The following HDAC1 variants were observed in gnomAD, a reference collection of about 807,000 sequenced individuals.
HDAC1 encodes the protein histone deacetylase 1, also known as protein deacetylase HDAC1.
In HDAC1, 18 loss-of-function variants were observed where a neutral mutation model predicts 65.5. The ratio of observed to expected loss-of-function variants is 0.27; its 90% CI spans 0.19 to 0.41. The LOEUF is 0.41. Among genes scored for constraint, HDAC1 ranks in the 10% least tolerant of loss-of-function variants. The pLI is 1.00. For synonymous variants in HDAC1, 211 were observed against 227.9 expected (o/e 0.93, Z 0.67); for missense variants, 373 against 625.2 (o/e 0.60, Z 4.30).
chr1:32,294,072 A>C lies in HDAC1; in HGVS notation c.49+1854A>C, dbSNP rs538486572. Among the ~76,000 whole-genome samples, 89 of 152,212 alleles carry C rather than the reference A, an allele frequency of 5.8e-4. 1 individual carries two copies. Among genetic ancestry groups the C allele is most frequent in the African/African-American group, 2.1e-3 (86 of 41,560 alleles). ...AACAGAGCGAGACTTCGTCTCAAAAAAAAAAAAAACAAAAAAATTCAGATT... is the reference window on the plus strand; with the variant it reads ...AACAGAGCGAGACTTCGTCTCAAAACAAAAAAAAACAAAAAAATTCAGATT... On this transcript the variant is annotated intron_variant, in intron 1 of 13. Coordinates refer to ENST00000373548, the MANE Select transcript of HDAC1 (RefSeq NM_004964.3).
chr1:32,312,979 A>G (rs574109273), intron 2 of HDAC1, among the ~76,000 whole-genome samples: 2 of 152,040 alleles, frequency 1.3e-5, no homozygotes, highest in African/African-American at 2.4e-5. Context: ...CCTGGCCATG[A>G]ACTTTAAAAG....
chr1:32,327,565 T>C lies in HDAC1; in HGVS notation c.524T>C (p.Ile175Thr), dbSNP rs1158681611. ...KYHQRVLYID[I>T]DIHHGDGVEE... ...CACCAGAGGGTGCTGTACATTGACA[T>C]TGATATTCACCATGGTGACGGCGTG... Residue 175 changes from isoleucine to threonine, a missense_variant, in exon 6 of 14, where the codon ATT (isoleucine) becomes ACT (threonine). Ile to Thr is a moderately conservative substitution (Grantham distance 89). Coordinates refer to ENST00000373548, the MANE Select transcript of HDAC1 (RefSeq NM_004964.3). The surrounding 1 kb of genome is among the most constrained non-coding windows in gnomAD (Gnocchi z 6.0). 2 of 1,612,872 alleles carry C rather than the reference T, an allele frequency of 1.2e-6. No individual in the cohort carries two copies.
intron 1 of HDAC1, among the ~76,000 whole-genome samples, chr1:32,295,705 A>G (rs2124394804): frequency 6.6e-6 from 1 of 152,332 alleles, no homozygotes; most frequent in East Asian, 1.9e-4. Context: ...TATGTTTCCA[A>G]CACATGAATT....
In HDAC1 at chr1:32,331,405, T is replaced by TGC; in HGVS notation, c.980-68_980-67dup. ...AGAGAAACCTACAAATGCTTTAGGGTGCTTACGTGCAAATGGTTAGGGTGC... is the reference window on the plus strand; with the variant it reads ...AGAGAAACCTACAAATGCTTTAGGGTGCGCTTACGTGCAAATGGTTAGGGTGC... On this transcript the variant is annotated intron_variant, in intron 9 of 13. Transcript: ENST00000373548. This position sits in a 1 kb window ranked among gnomAD's most constrained non-coding sequence, Gnocchi z 4.2. 1.2e-6 allele frequency: 1 copy of TGC among 862,210 alleles called. No individual in the cohort carries two copies. 53.4% of individuals were successfully genotyped at this position (862,210 alleles called of 1,614,324 possible).
At position 32,327,476 on chromosome 1, in the gene HDAC1, G is replaced by A. The variant is rs1641234436; in HGVS notation, c.495-60G>A. On this transcript the variant is annotated intron_variant, in intron 5 of 13. Transcript: ENST00000373548. This position sits in a 1 kb window ranked among gnomAD's most constrained non-coding sequence, Gnocchi z 6.0. ...CCAGCCCGGTAAGCTGGGAGCTAGCGCCCTTGGCACGTCCCATCCCCAAAG... is the reference window on the plus strand; with the variant it reads ...CCAGCCCGGTAAGCTGGGAGCTAGCACCCTTGGCACGTCCCATCCCCAAAG... 8.4e-6 allele frequency: 11 copies of A among 1,301,876 alleles called. No homozygotes were observed. The South Asian group carries it at 1.1e-4, about 13-fold the overall frequency. The allele number at this position is 1,301,876 out of a possible 1,614,324, so 80.6% of individuals were successfully genotyped here. A position where few individuals can be genotyped will look rare whatever the true frequency, so the allele number is the denominator to read the frequency against.
In HDAC1 at chr1:32,330,905, A is replaced by C. The variant is rs1280886095; in HGVS notation, c.976A>C (p.Asn326His). 6.2e-7 allele frequency: 1 copy of C among 1,614,028 alleles called. No homozygotes were observed. Among genetic ancestry groups the C allele is most frequent in the South Asian group, 1.1e-5 (1 of 91,070 alleles). Reference protein sequence around the residue: ...TAVALDTEIPNELPYNDYFEY... With the variant: ...TAVALDTEIPHELPYNDYFEY... ...TGTGGCCCTGGATACGGAGATCCCTAATGGTAATAGCTGCAGGGCCAGGTT... is the reference window on the plus strand; with the variant it reads ...TGTGGCCCTGGATACGGAGATCCCTCATGGTAATAGCTGCAGGGCCAGGTT... Residue 326 changes from asparagine (N) to histidine (H), a missense_variant, in exon 9 of 14, where the codon AAT becomes CAT. Asn to His is a moderately conservative substitution (Grantham distance 68, BLOSUM62 1). Transcript: ENST00000373548. The surrounding 1 kb of genome is among the most constrained non-coding windows in gnomAD (Gnocchi z 4.2).
At chr1:32,324,000 T>C (rs1055093614) in intron 3 of HDAC1, among the ~76,000 whole-genome samples, 10 of 151,846 alleles carry the variant, frequency 6.6e-5, no homozygotes, top group East Asian at 5.8e-4. Context: ...TTGCTTGTTA[T>C]AGATAATGGG....
At chr1:32,322,471 G>A (rs1185902938) in intron 3 of HDAC1, among the ~76,000 whole-genome samples, 3 of 152,104 alleles carry the variant, frequency 2.0e-5, no homozygotes, top group African/African-American at 7.2e-5. Flanking sequence ...GTTTCTCCAT[G>A]TTGGCCAGGC....
intron 2 of HDAC1, among the ~76,000 whole-genome samples, chr1:32,305,606 CT>C (rs796787096): frequency 0.019 from 2,604 of 134,526 alleles, 53 homozygotes; most frequent in African/African-American, 0.054. Context: ...CATTGGTTGT[CT>C]TTTTTTTTTT....
At chr1:32,295,759 T>G (rs2019923) in intron 1 of HDAC1, among the ~76,000 whole-genome samples, 6,508 of 152,002 alleles carry the variant, frequency 0.043, 454 homozygotes, top group African/African-American at 0.15. Flanking sequence ...TATGGATAGT[T>G]ATTTTATTTG....
chr1:32,322,252 C>T (rs1044363667), intron 3 of HDAC1, among the ~76,000 whole-genome samples: 1 of 151,888 alleles, frequency 6.6e-6, no homozygotes, highest in Non-Finnish European at 1.5e-5. Flanking sequence ...CTTCCTGTAG[C>T]TCATTGATGT....
At chr1:32,328,060 A>G (rs185638055) in intron 6 of HDAC1, among the ~76,000 whole-genome samples, 32 of 152,242 alleles carry the variant, frequency 2.1e-4, no homozygotes, top group Admixed American at 3.9e-4. Flanking sequence ...AAAACTATGG[A>G]CTGTCTCTCC....
intron 3 of HDAC1, among the ~76,000 whole-genome samples, chr1:32,319,473 A>G (rs1439746626): frequency 6.6e-6 from 1 of 152,124 alleles, no homozygotes; most frequent in Non-Finnish European, 1.5e-5. Flanking sequence ...AATTATTTTT[A>G]TTTTTATTCT....
intron 2 of HDAC1, among the ~76,000 whole-genome samples, chr1:32,303,103 G>A (rs1640870760): frequency 6.6e-6 from 1 of 152,114 alleles, no homozygotes; most frequent in South Asian, 2.1e-4. Context: ...AGCCTGGGAG[G>A]TCGAGGCTGT....
At chr1:32,292,736 AAC>A (rs1264283507) in intron 1 of HDAC1, among the ~76,000 whole-genome samples, 3 of 151,948 alleles carry the variant, frequency 2.0e-5, no homozygotes, top group Non-Finnish European at 4.4e-5. Context: ...AACCTGTTAA[AAC>A]AGACTTCTCA....
Position 32,292,090 on chromosome 1 carries a change from C to G in HDAC1, c.-80C>G. The G allele has an allele frequency of 2.1e-6, 3 of 1,397,614 alleles. No individual in the cohort carries two copies. Among genetic ancestry groups the G allele is most frequent in the Middle Eastern group, 2.4e-4 (1 of 4,110 alleles). 86.6% of individuals were successfully genotyped at this position (1,397,614 alleles called of 1,614,324 possible). ...GGCGGGCCGGAGGCCCGCCCCCTCC[C>G]CCCTGGGTCGGACGCTGAGCGGAGC... On this transcript the variant is annotated 5_prime_UTR_variant, in exon 1 of 14. Transcript: ENST00000373548.
chr1:32,292,156 G>C lies in HDAC1; in HGVS notation c.-14G>C. 1.3e-6 allele frequency: 2 copies of C among 1,548,082 alleles called. No homozygotes were observed. Among genetic ancestry groups the C allele is most frequent in the South Asian group, 1.2e-5 (1 of 83,956 alleles). On this transcript the variant is annotated 5_prime_UTR_variant, in exon 1 of 14. Transcript: ENST00000373548. ...GGACGGACCGACTGACGGTAGGGAC[G>C]GGAGGCGAGCAAGATGGCGCAGACG...
chr1:32,304,695 A>C (rs1464598770), intron 2 of HDAC1, among the ~76,000 whole-genome samples: 1 of 152,048 alleles, frequency 6.6e-6, no homozygotes, highest in Non-Finnish European at 1.5e-5. Context: ...TCAGCCTGCC[A>C]AGTAGCTGGG....
intron 2 of HDAC1, among the ~76,000 whole-genome samples, chr1:32,311,249 C>T (rs889420447): frequency 6.6e-6 from 1 of 152,158 alleles, no homozygotes; most frequent in African/African-American, 2.4e-5. Flanking sequence ...CAGCAGATCA[C>T]CTGAGGTCAG....
Sources: gnomAD v4.1 joint callset for allele counts (sites outside exome capture counted in the v4.1 genomes callset) on GRCh38, gnomAD v4.1.1 for gene constraint, Gnocchi (gnomAD v3.1) non-coding constraint, MANE v1.5 for transcripts, NCBI Gene and HGNC (gene_info 2026-07-23, HGNC 2026-07-21) for gene names.